Variants in SH3GL2 observed in about 807,000 individuals in gnomAD.
SH3GL2 encodes endophilin-A1.
SH3GL2 carries 24 observed loss-of-function variants against 46.0 expected under a neutral mutation model. That is an observed-to-expected ratio of 0.52 (90% CI 0.38 to 0.73). The LOEUF is 0.73. Ranked by LOEUF, SH3GL2 falls within the 30% of genes least tolerant of loss-of-function variation. The pLI is 0.00. For missense variants in SH3GL2, 413 were observed against 424.2 expected (o/e 0.97, Z 0.23); for synonymous variants, 196 against 147.1 (o/e 1.33, Z -2.40).
At chr9:17,658,814 G>A (rs534189922) in intron 1 of SH3GL2, among the ~76,000 whole-genome samples, 9 of 152,290 alleles carry the variant, frequency 5.9e-5, no homozygotes, top group African/African-American at 2.2e-4. Flanking sequence ...CCCCCAAGAT[G>A]CCCCTGGAAA....
intron 1 of SH3GL2, among the ~76,000 whole-genome samples, chr9:17,641,309 G>A (rs1351784631): frequency 6.6e-6 from 1 of 151,916 alleles, no homozygotes; most frequent in African/African-American, 2.4e-5. Flanking sequence ...GCAGCTCAAG[G>A]GACAGATGTA....
rs111771252 is a variant in SH3GL2, at chr9:17,701,156, C to G, written c.46-45910C>G. ...ACAAACCCAGCAGAGAATCCTCCCT[C>G]TGGTTTCTGAATAAACATTGTATAC... is the stretch of plus-strand genomic sequence containing the variant. On this transcript the variant is annotated intron_variant, in intron 1 of 8. Transcript: ENST00000380607. Among the ~76,000 whole-genome samples, 244 of 152,312 alleles carry G rather than the reference C, an allele frequency of 1.6e-3. 3 individuals are homozygous for G. The highest frequency in any genetic ancestry group is 5.0e-3 in the African/African-American group (208 of 41,568).
intron 2 of SH3GL2, among the ~76,000 whole-genome samples, chr9:17,752,765 C>G (rs1033872767): frequency 1.7e-4 from 26 of 152,110 alleles, no homozygotes; most frequent in African/African-American, 6.0e-4. Context: ...CATAGGTAGA[C>G]ACGTGTCATG....
intron 1 of SH3GL2, among the ~76,000 whole-genome samples, chr9:17,666,396 C>G (rs1344042044): frequency 6.6e-6 from 1 of 152,018 alleles, no homozygotes; most frequent in Admixed American, 6.6e-5. Context: ...TTCAGTTTCT[C>G]TGCTCTGTTT....
intron 2 of SH3GL2, among the ~76,000 whole-genome samples, chr9:17,751,773 C>T (rs1045273259): frequency 2.0e-5 from 3 of 152,106 alleles, no homozygotes; most frequent in South Asian, 2.1e-4. Flanking sequence ...CTGAGCAACA[C>T]GTATCCCTGA....
At chr9:17,662,703 C>CTTT (rs559842403) in intron 1 of SH3GL2, among the ~76,000 whole-genome samples, 95 of 96,946 alleles carry the variant, frequency 9.8e-4, no homozygotes, top group Non-Finnish European at 1.4e-3. Context: ...TTGGCCAAGT[C>CTTT]TTTTTTTTTT....
At chr9:17,754,808 A>G (rs1307742736) in intron 2 of SH3GL2, among the ~76,000 whole-genome samples, 3 of 152,142 alleles carry the variant, frequency 2.0e-5, no homozygotes, top group African/African-American at 4.8e-5. Context: ...GTGTATAGGA[A>G]TGCTAGTGAT....
At chr9:17,634,641 T>G (rs1819503413) in intron 1 of SH3GL2, among the ~76,000 whole-genome samples, 1 of 152,204 alleles carries the variant, frequency 6.6e-6, no homozygotes, top group Non-Finnish European at 1.5e-5. Flanking sequence ...AAAACCAAGG[T>G]TAGTTTAGCT....
intron 2 of SH3GL2, among the ~76,000 whole-genome samples, chr9:17,749,009 A>C (rs759989889): frequency 3.3e-5 from 5 of 152,178 alleles, no homozygotes; most frequent in African/African-American, 4.8e-5. Context: ...CATTCTGGCT[A>C]AGTTCTTGAG....
At chr9:17,747,946 T>A (rs547278481) in intron 2 of SH3GL2, among the ~76,000 whole-genome samples, 1 of 152,194 alleles carries the variant, frequency 6.6e-6, no homozygotes, top group African/African-American at 2.4e-5. Context: ...AGTGCTGAGG[T>A]TCCAGGCATG....
chr9:17,581,781 C>G (rs148618134), intron 1 of SH3GL2, among the ~76,000 whole-genome samples: 2,565 of 152,288 alleles, frequency 0.017, 76 homozygotes, highest in African/African-American at 0.058. Flanking sequence ...ATACTGCAAC[C>G]TCTGCCTCCT....
rs765533067 is a variant in SH3GL2 at position 17,761,470 on chromosome 9, A to G, written c.148A>G (p.Ile50Val). Residue 50 changes from isoleucine to valine, a missense_variant, in exon 3 of 9, where the codon ATA becomes GTA. This residue lies in a region of SH3GL2 where 160 missense variants were observed against 192.3 expected (regional missense o/e 0.83). Transcript: ENST00000380607. The part of the protein sequence containing the change: ...VDVTSRAVME[I>V]MTKTIEYLQP... ...TGTCACCAGCAGGGCTGTGATGGAA[A>G]TAATGACTAAAACAATTGAATACCT... The G allele has an allele frequency of 4.4e-6, 7 of 1,609,022 alleles. No individual in the cohort carries two copies. In the Admixed American group the frequency reaches 1.0e-4, roughly 23 times the overall value.
At chr9:17,785,869 A>G (rs1490871068) in intron 3 of SH3GL2, among the ~76,000 whole-genome samples, 7 of 152,198 alleles carry the variant, frequency 4.6e-5, no homozygotes, top group African/African-American at 1.7e-4. Context: ...AATGATTTTG[A>G]AAATAGTTCT....
chr9:17,782,991 AGT>A (rs1323327736), intron 3 of SH3GL2, among the ~76,000 whole-genome samples: 2 of 152,140 alleles, frequency 1.3e-5, no homozygotes, highest in African/African-American at 4.8e-5. Flanking sequence ...GACTCTGGGC[AGT>A]GCAGTTCTCT....
chr9:17,582,197 G>A (rs1487023238), intron 1 of SH3GL2, among the ~76,000 whole-genome samples: 1 of 152,054 alleles, frequency 6.6e-6, no homozygotes, highest in East Asian at 1.9e-4. Flanking sequence ...TTTACAATTT[G>A]GAGGTAAAAA....
intron 1 of SH3GL2, among the ~76,000 whole-genome samples, chr9:17,615,898 T>C (rs1818982924): frequency 6.6e-6 from 1 of 152,188 alleles, no homozygotes; most frequent in Admixed American, 6.5e-5. Context: ...TAAAATGTTT[T>C]TGCTCCATTT....
chr9:17,731,925 A>G (rs1482788443), intron 1 of SH3GL2, among the ~76,000 whole-genome samples: 1 of 152,124 alleles, frequency 6.6e-6, no homozygotes, highest in Non-Finnish European at 1.5e-5. Context: ...AAAGACATTC[A>G]GTGACTATTT....
chr9:17,685,805 A>C lies in SH3GL2; in HGVS notation c.46-61261A>C, dbSNP rs530826735. On this transcript the variant is annotated intron_variant, in intron 1 of 8. Coordinates refer to ENST00000380607, the MANE Select transcript of SH3GL2 (RefSeq NM_003026.5). ...GGGCTCTGTTCTGTTCCATTGATCT[A>C]TATCTCTGTTTTGGTACCAGTACCA... 3.3e-5 allele frequency among the ~76,000 whole-genome samples: 5 copies of C among 152,124 alleles called. No homozygotes were observed. The South Asian group carries it at 1.0e-3, about 32-fold the overall frequency.
chr9:17,677,310 A>G (rs1820636961), intron 1 of SH3GL2, among the ~76,000 whole-genome samples: 1 of 152,108 alleles, frequency 6.6e-6, no homozygotes, highest in African/African-American at 2.4e-5. Flanking sequence ...TGACTTTTAT[A>G]CATACTACAT....
Sources: gnomAD v4.1 joint callset for allele counts (sites outside exome capture counted in the v4.1 genomes callset) on GRCh38, gnomAD v4.1.1 for gene constraint, gnomAD v4.1.1 regional missense constraint, MANE v1.5 for transcripts, NCBI Gene and HGNC (gene_info 2026-07-23, HGNC 2026-07-21) for gene names.